Variants in EPHA4 observed in about 807,000 individuals in gnomAD.
EPHA4 encodes the protein ephrin type-A receptor 4.
EPHA4 carries 19 observed loss-of-function variants against 108.3 expected under a neutral mutation model. The ratio of observed to expected loss-of-function variants is 0.18; its 90% CI spans 0.12 to 0.26. EPHA4 has a LOEUF of 0.26. Among genes scored for constraint, EPHA4 ranks in the 10% least tolerant of loss-of-function variants. The pLI is 1.00. For synonymous variants in EPHA4, 449 were observed against 455.5 expected (o/e 0.99, Z 0.18); for missense variants, 917 against 1,254.0 (o/e 0.73, Z 4.06).
At chr2:221,549,333 T>A (rs1372528906) in intron 3 of EPHA4, among the ~76,000 whole-genome samples, 4 of 152,194 alleles carry the variant, frequency 2.6e-5, no homozygotes, top group African/African-American at 9.6e-5. Flanking sequence ...CAATGTAAAG[T>A]ATTTACAAAT....
chr2:221,481,376 G>T (rs1016243310), intron 5 of EPHA4, among the ~76,000 whole-genome samples: 1 of 76,452 alleles, frequency 1.3e-5, no homozygotes, highest in African/African-American at 5.3e-5. Context: ...AACTATAAAA[G>T]TAGCTGCAAT....
chr2:221,552,691 A>G (rs566596170), intron 3 of EPHA4, among the ~76,000 whole-genome samples: 1 of 152,322 alleles, frequency 6.6e-6, no homozygotes, highest in African/African-American at 2.4e-5. Flanking sequence ...AAATGAATCC[A>G]AGCCTCAAGT....
At chr2:221,504,164 T>C (rs1372455374) in intron 3 of EPHA4, among the ~76,000 whole-genome samples, 1 of 152,206 alleles carries the variant, frequency 6.6e-6, no homozygotes, top group Non-Finnish European at 1.5e-5. Flanking sequence ...AACTACTTCC[T>C]CCTGCCCTAT....
intron 3 of EPHA4, among the ~76,000 whole-genome samples, chr2:221,510,600 G>A (rs1436718624): frequency 6.6e-6 from 1 of 152,186 alleles, no homozygotes; most frequent in Non-Finnish European, 1.5e-5. Context: ...AAATAGGTGA[G>A]TAATTCTAAA....
chr2:221,554,937 A>G (rs931411170), intron 3 of EPHA4, among the ~76,000 whole-genome samples: 9 of 152,200 alleles, frequency 5.9e-5, no homozygotes, highest in Admixed American at 2.6e-4. Context: ...AATTTTTTAA[A>G]GCCCTTTGTT....
At chr2:221,498,658 G>A (rs1692378387) in intron 4 of EPHA4, among the ~76,000 whole-genome samples, 1 of 151,304 alleles carries the variant, frequency 6.6e-6, no homozygotes, top group African/African-American at 2.4e-5. Flanking sequence ...TTGTCACCCA[G>A]GCTGGAGTGC....
At chr2:221,501,732 C>T (rs904162371) in intron 3 of EPHA4, among the ~76,000 whole-genome samples, 1 of 151,988 alleles carries the variant, frequency 6.6e-6, no homozygotes, top group African/African-American at 2.4e-5. Context: ...ACAAAAAAAC[C>T]GGGTGGTGAT....
At chr2:221,548,479 C>A (rs1165417729) in intron 3 of EPHA4, among the ~76,000 whole-genome samples, 1 of 152,046 alleles carries the variant, frequency 6.6e-6, no homozygotes, top group Non-Finnish European at 1.5e-5. Context: ...GAGGCCTCAC[C>A]AGAAGCCAAG....
chr2:221,502,015 T>C (rs1386208868), intron 3 of EPHA4, among the ~76,000 whole-genome samples: 5 of 152,114 alleles, frequency 3.3e-5, no homozygotes, highest in Non-Finnish European at 7.3e-5. Flanking sequence ...CCCGAGAGCC[T>C]GGTGTAGAGA....
At chr2:221,446,303 T>C in intron 8 of EPHA4, 122 bp from the exon 9 acceptor site, 1 of 427,514 alleles carries the variant, frequency 2.3e-6, no homozygotes, top group East Asian at 3.8e-5. Flanking sequence ...ATTTCAGAGA[T>C]GAGAAAACTG....
chr2:221,426,546 C>T lies in EPHA4; in HGVS notation c.2764G>A (p.Ala922Thr). The change falls in exon 16 of 18, where the codon GCC (alanine) becomes ACC (threonine). Residue 922 changes from alanine to threonine, a missense_variant. Ala to Thr is a moderately conservative substitution (Grantham distance 58, BLOSUM62 0). This residue lies in a region of EPHA4 where 133 missense variants were observed against 132.8 expected (regional missense o/e 1.00). Transcript: ENST00000281821. ...AVVSVGDWLQ[A>T]IKMDRYKDNF... ...TCCTTATACCGGTCCATTTTAATGG[C>T]CTGGAGCCAATCGCCCACTGATACC... 6.2e-7 allele frequency: 1 copy of T among 1,614,128 alleles called. No homozygotes were observed. Among genetic ancestry groups the T allele is most frequent in the African/African-American group, 1.3e-5 (1 of 75,024 alleles).
chr2:221,490,849 C>T (rs1692120346), intron 4 of EPHA4, among the ~76,000 whole-genome samples: 1 of 152,210 alleles, frequency 6.6e-6, no homozygotes, highest in Non-Finnish European at 1.5e-5. Flanking sequence ...GTCCTATCTG[C>T]TGTGGGTTAG....
intron 13 of EPHA4, among the ~76,000 whole-genome samples, chr2:221,434,623 C>A (rs749946439): frequency 6.6e-6 from 1 of 152,186 alleles, no homozygotes; most frequent in Non-Finnish European, 1.5e-5. Context: ...TGATATGTAG[C>A]TGACATTTGT....
At chr2:221,563,686 T>A in intron 3 of EPHA4, 45 bp downstream of exon 3, 1 of 1,585,742 alleles carries the variant, frequency 6.3e-7, no homozygotes, top group Non-Finnish European at 8.6e-7. Flanking sequence ...ATTTAATTAC[T>A]CGCACTAAGC....
chr2:221,436,205 T>C (rs996033098), intron 13 of EPHA4, among the ~76,000 whole-genome samples, 194 bp downstream of exon 13: 1 of 152,224 alleles, frequency 6.6e-6, no homozygotes, highest in Admixed American at 6.5e-5. Context: ...AATATGGTCA[T>C]ACATCTACAG....
chr2:221,564,293 A>G lies in EPHA4; in HGVS notation c.261T>C (p.Asp87=), dbSNP rs534523978. 3.1e-6 allele frequency: 5 copies of G among 1,614,072 alleles called. No individual in the cohort carries two copies. Among genetic ancestry groups the G allele is most frequent in the African/African-American group, 2.7e-5 (2 of 75,004 alleles). ...EPSQNNWLRT[D]WITREGAQRV... ...TCTGAGCCCCTTCTCGGGTGATCCA[A>G]TCAGTTCGTAGCCAGTTATTCTGGC... The change falls in exon 3 of 18, where the codon GAT becomes GAC. Residue 87 remains aspartate (D), a synonymous_variant. Transcript: ENST00000281821.
intron 5 of EPHA4, among the ~76,000 whole-genome samples, chr2:221,478,986 C>T (rs567981469): frequency 6.6e-6 from 1 of 152,286 alleles, no homozygotes; most frequent in Admixed American, 6.5e-5. Context: ...TTTATTAACC[C>T]CCTAAGACCC....
At chr2:221,516,424 G>A (rs572039405) in intron 3 of EPHA4, among the ~76,000 whole-genome samples, 8 of 149,176 alleles carry the variant, frequency 5.4e-5, no homozygotes, top group African/African-American at 9.9e-5. Context: ...GCACGATCTC[G>A]GCTCACTGCA....
Position 221,470,726 on chromosome 2 carries a change from A to G in EPHA4, c.1318+11626T>C, listed in dbSNP as rs187502728. ...GTAAGGAAGCACCTGGTGAGTGGAA[A>G]GAAGTGGGATAGAGACCTTTGGGTT... On this transcript the variant is annotated intron_variant, in intron 5 of 17. Transcript: ENST00000281821. 2.0e-4 allele frequency among the ~76,000 whole-genome samples: 30 copies of G among 152,222 alleles called. No individual in the cohort carries two copies. The East Asian group carries it at 5.6e-3, about 28-fold the overall frequency.
Sources: gnomAD v4.1 joint callset for allele counts (sites outside exome capture counted in the v4.1 genomes callset) on GRCh38, gnomAD v4.1.1 for gene constraint, gnomAD v4.1.1 regional missense constraint, MANE v1.5 for transcripts, NCBI Gene and HGNC (gene_info 2026-07-23, HGNC 2026-07-21) for gene names.